Variants in GPR174 observed in about 807,000 individuals in gnomAD.
The protein encoded by GPR174 is probable G protein-coupled receptor 174.
In GPR174, 8 loss-of-function variants were observed where a neutral mutation model predicts 16.5. The observed-to-expected ratio is 0.48, with a 90% CI of 0.28 to 0.87. The LOEUF is 0.87. GPR174 is among the 40% of genes least tolerant of loss of function. The pLI, the probability that GPR174 is intolerant of heterozygous loss-of-function variation, is 0.09. For missense variants in GPR174, 214 were observed against 247.5 expected (o/e 0.86, Z 0.91); for synonymous variants, 111 against 94.8 (o/e 1.17, Z -0.99).
At position 79,145,676 on chromosome X, in the gene GPR174, G is replaced by T. The variant is rs1464062287; in HGVS notation, c.-654+459G>T. On this transcript the variant is annotated intron_variant, in intron 1 of 2. Coordinates refer to ENST00000645147, the MANE Select transcript of GPR174 (RefSeq NM_032553.3). ...CTTTGTGTCCTTTTCAAAATGAATG[G>T]TTATTTGAAAAATGAGAGATACAAT... Among the ~76,000 whole-genome samples the T allele has an allele frequency of 3.6e-5, 4 of 111,305 alleles. No homozygotes were observed. The East Asian group carries it at 1.1e-3, about 31-fold the overall frequency.
intron 1 of GPR174, among the ~76,000 whole-genome samples, chrX:79,154,962 A>T (rs1386924191): frequency 8.9e-6 from 1 of 111,791 alleles, no homozygotes; most frequent in African/African-American, 3.3e-5. Context: ...TGACTCTCTA[A>T]AACAAAATCC....
rs991424823 is a variant in GPR174 at position 79,173,337 on chromosome X, C to T, written c.*1328C>T. 1.8e-5 allele frequency: 2 copies of T among 111,996 alleles called. No homozygotes were observed. Among genetic ancestry groups the T allele is most frequent in the Admixed American group, 1.9e-4 (2 of 10,559 alleles). 9.2% of individuals were successfully genotyped at this position (111,996 alleles called of 1,213,427 possible). A position where few individuals can be genotyped will look rare whatever the true frequency, so the allele number is the denominator to read the frequency against. On this transcript the variant is annotated 3_prime_UTR_variant, in exon 3 of 3. Transcript: ENST00000645147. The stretch of plus-strand genomic sequence containing the variant: ...CCAATGGCCAATGACTTGCCTACTA[C>T]CTGTTTGGTACTATTGTGTGGGAAA...
At chrX:79,160,821 A>T (rs1921217898) in intron 2 of GPR174, among the ~76,000 whole-genome samples, 1 of 112,011 alleles carries the variant, frequency 8.9e-6, no homozygotes, top group South Asian at 3.7e-4. Flanking sequence ...GGAAGAATTA[A>T]AGAATACTTC....
intron 2 of GPR174, among the ~76,000 whole-genome samples, chrX:79,162,252 G>A (rs1250549236): frequency 9.0e-6 from 1 of 111,455 alleles, no homozygotes; most frequent in African/African-American, 3.3e-5. Context: ...AACCATGCAG[G>A]AAATCCTAAT....
In GPR174 at chrX:79,172,691, C is replaced by T. The variant is rs145322942; in HGVS notation, c.*682C>T. On this transcript the variant is annotated 3_prime_UTR_variant, in exon 3 of 3. Transcript: ENST00000645147. ...GAACAATATACATATTTACATACGACAACCCTCTGTGACTGGAAAAGATGC... is the reference window on the plus strand; with the variant it reads ...GAACAATATACATATTTACATACGATAACCCTCTGTGACTGGAAAAGATGC... 8.9e-6 allele frequency: 1 copy of T among 111,838 alleles called. No homozygotes were observed. The highest frequency in any genetic ancestry group is 2.8e-4 in the East Asian group (1 of 3,558). 9.2% of individuals were successfully genotyped at this position (111,838 alleles called of 1,213,427 possible).
chrX:79,158,058 G>A (rs1470737449), intron 2 of GPR174, among the ~76,000 whole-genome samples: 1 of 103,116 alleles, frequency 9.7e-6, no homozygotes, highest in Non-Finnish European at 2.0e-5. Flanking sequence ...AGTAATTGTG[G>A]TTTTTGCAGT....
rs576412904 is a variant in GPR174 at position 79,166,875 on chromosome X, C to T, written c.-556-3577C>T. Among the ~76,000 whole-genome samples, 3 of 111,876 alleles carry T rather than the reference C, an allele frequency of 2.7e-5. No individual in the cohort carries two copies. In the Middle Eastern group the frequency reaches 0.014, roughly 511 times the overall value. On this transcript the variant is annotated intron_variant, in intron 2 of 2. Transcript: ENST00000645147. Reference sequence around the variant, plus strand: ...GAAGATTATAATGGTCATGAAAACACTGTCTTTGCTGGCAAGCTGCTCACA... The same window carrying T: ...GAAGATTATAATGGTCATGAAAACATTGTCTTTGCTGGCAAGCTGCTCACA...
At chrX:79,168,280 C>T (rs1231823510) in intron 2 of GPR174, among the ~76,000 whole-genome samples, 1 of 111,424 alleles carries the variant, frequency 9.0e-6, no homozygotes, top group African/African-American at 3.3e-5. Context: ...AAAGTGTGCA[C>T]CTAACCAGAA....
chrX:79,168,129 T>A (rs774915764), intron 2 of GPR174, among the ~76,000 whole-genome samples: 3 of 111,979 alleles, frequency 2.7e-5, no homozygotes, highest in Non-Finnish European at 5.6e-5. Flanking sequence ...GAAATTGTTC[T>A]TTTCTCTTCT....
intron 2 of GPR174, 71 bp from the exon 3 acceptor site, chrX:79,170,369 AGAATATTTTTCT>A (rs1921479325): frequency 1.0e-5 from 1 of 98,056 alleles, no homozygotes; most frequent in Non-Finnish European, 2.1e-5. Flanking sequence ...CATTCAAACT[AGAATATTTTTCT>A]GAACACAGGC....
intron 2 of GPR174, among the ~76,000 whole-genome samples, chrX:79,158,446 TTC>T (rs1260149778): frequency 0.022 from 739 of 33,262 alleles, 10 homozygotes; most frequent in African/African-American, 0.058. Context: ...TTCTTTCTTT[TTC>T]TTTTTTTTTT....
chrX:79,157,094 T>G (rs1319557562), intron 2 of GPR174, among the ~76,000 whole-genome samples, 176 bp downstream of exon 2: 3 of 111,836 alleles, frequency 2.7e-5, no homozygotes, highest in Non-Finnish European at 5.6e-5. Flanking sequence ...AGATATACAA[T>G]CTTACAGAAC....
chrX:79,163,548 AAAG>A (rs1164890309), intron 2 of GPR174, among the ~76,000 whole-genome samples: 2 of 111,872 alleles, frequency 1.8e-5, no homozygotes, highest in African/African-American at 6.5e-5. Flanking sequence ...GACTACAAGA[AAAG>A]AAGGGATAAT....
Position 79,170,903 on chromosome X carries a change from G to A in GPR174, c.-105G>A, listed in dbSNP as rs947555406. On this transcript the variant is annotated 5_prime_UTR_variant, in exon 3 of 3. Transcript: ENST00000645147. ...AAAGAGGAAGGTTATTTTATACTTCGTATCTCCAACCCACTGGCAATCAAT... is the reference window on the plus strand; with the variant it reads ...AAAGAGGAAGGTTATTTTATACTTCATATCTCCAACCCACTGGCAATCAAT... The A allele has an allele frequency of 6.1e-6, 4 of 658,640 alleles. No homozygotes were observed. Among genetic ancestry groups the A allele is most frequent in the East Asian group, 3.4e-5 (1 of 29,382 alleles). 54.3% of individuals were successfully genotyped at this position (658,640 alleles called of 1,213,427 possible). A position where few individuals can be genotyped will look rare whatever the true frequency, so the allele number is the denominator to read the frequency against.
intron 1 of GPR174, among the ~76,000 whole-genome samples, chrX:79,155,424 G>A (rs759050512): frequency 9.0e-6 from 1 of 111,243 alleles, no homozygotes; most frequent in East Asian, 2.8e-4. Context: ...TAACTTTACT[G>A]TGTGTTTAAT....
intron 2 of GPR174, among the ~76,000 whole-genome samples, chrX:79,160,378 A>C: frequency 8.9e-6 from 1 of 111,984 alleles, no homozygotes; most frequent in Non-Finnish European, 1.9e-5. Flanking sequence ...ATACACATAT[A>C]GACCTTCAAA....
At chrX:79,168,230 T>G (rs935169971) in intron 2 of GPR174, among the ~76,000 whole-genome samples, 10 of 111,713 alleles carry the variant, frequency 9.0e-5, no homozygotes, top group Non-Finnish European at 1.9e-4. Flanking sequence ...ACATTTGCAG[T>G]CACTTGCAGC....
chrX:79,165,002 T>A (rs757374121), intron 2 of GPR174, among the ~76,000 whole-genome samples: 76 of 111,770 alleles, frequency 6.8e-4, no homozygotes, highest in Admixed American at 2.2e-3. Flanking sequence ...TTCATGGGCA[T>A]TTTTTTGTGT....
intron 2 of GPR174, among the ~76,000 whole-genome samples, chrX:79,169,216 G>T (rs1404715152): frequency 1.8e-5 from 2 of 111,202 alleles, no homozygotes; most frequent in African/African-American, 6.5e-5. Context: ...AAAAAAATCT[G>T]CCCAAGGAGC....
Sources: gnomAD v4.1 joint callset for allele counts (sites outside exome capture counted in the v4.1 genomes callset) on GRCh38, gnomAD v4.1.1 for gene constraint, MANE v1.5 for transcripts, NCBI Gene and HGNC (gene_info 2026-07-23, HGNC 2026-07-21) for gene names.